CNGB3: variants seen among roughly 807,000 people sequenced by gnomAD.
The protein encoded by CNGB3 is cyclic nucleotide gated channel subunit beta 3.
Under a neutral mutation model 92.8 loss-of-function variants are expected in CNGB3, and 86 were observed. That is an observed-to-expected ratio of 0.93 (90% CI 0.78 to 1.11). The LOEUF (loss-of-function observed/expected upper bound fraction) is 1.11, where lower values mean the gene tolerates loss of function less well. CNGB3 is among the 50% of genes least tolerant of loss of function. CNGB3 has a pLI of 0.00. For missense variants in CNGB3, 1,026 were observed against 956.8 expected (o/e 1.07, Z -0.95); for synonymous variants, 333 against 332.7 (o/e 1.00, Z -0.01).
At chr8:86,716,719 G>A (rs1315859611) in intron 3 of CNGB3, among the ~76,000 whole-genome samples, 1 of 152,056 alleles carries the variant, frequency 6.6e-6, no homozygotes, top group Non-Finnish European at 1.5e-5. Context: ...TGCTAAAAGG[G>A]GCTCTAAATC....
At chr8:86,704,377 T>C (rs546634666) in intron 3 of CNGB3, 18 of 152,314 alleles carry the variant, frequency 1.2e-4, no homozygotes, top group Non-Finnish European at 2.4e-4. Context: ...GTACCACAGT[T>C]CAAATTCTTG....
At chr8:86,708,125 A>C (rs1051346796) in intron 3 of CNGB3, 2 of 152,228 alleles carry the variant, frequency 1.3e-5, no homozygotes, top group Non-Finnish European at 2.9e-5. Context: ...TGAAGATATA[A>C]ATTTGGGAAC....
chr8:86,641,030 G>C (rs967496594), intron 10 of CNGB3, among the ~76,000 whole-genome samples: 8 of 151,972 alleles, frequency 5.3e-5, no homozygotes, highest in African/African-American at 1.9e-4. Flanking sequence ...GATAAATTAG[G>C]TTTCAGTAAA....
chr8:86,670,535 A>G (rs1190694510), intron 4 of CNGB3, among the ~76,000 whole-genome samples: 1 of 152,128 alleles, frequency 6.6e-6, no homozygotes, highest in Non-Finnish European at 1.5e-5. Flanking sequence ...TTTCAGCTGG[A>G]TAAAGCCCCA....
intron 17 of CNGB3, among the ~76,000 whole-genome samples, chr8:86,577,050 C>G (rs1010580237): frequency 6.6e-6 from 1 of 152,092 alleles, no homozygotes; most frequent in African/African-American, 2.4e-5. Context: ...TTCAGAAAAC[C>G]TGAATCCCTG....
intron 7 of CNGB3, 74 bp downstream of exon 7, chr8:86,653,937 GA>G: frequency 9.9e-7 from 1 of 1,011,510 alleles, no homozygotes; most frequent in East Asian, 2.4e-5. Flanking sequence ...TTTGTTTATA[GA>G]AATCTATAGA....
At chr8:86,711,829 C>CTA (rs1824756560) in intron 3 of CNGB3, among the ~76,000 whole-genome samples, 1 of 125,148 alleles carries the variant, frequency 8.0e-6, no homozygotes, top group African/African-American at 3.0e-5. Context: ...CTCTCTCTCT[C>CTA]TCTCTCTATA....
intron 14 of CNGB3, among the ~76,000 whole-genome samples, chr8:86,611,014 A>G (rs1822508013): frequency 6.6e-6 from 1 of 152,234 alleles, no homozygotes; most frequent in South Asian, 2.1e-4. Context: ...TTTATAGCAC[A>G]AGCTTTATCT....
intron 15 of CNGB3, chr8:86,594,685 TAGAC>T (rs1304263528): frequency 5.4e-6 from 1 of 186,342 alleles, no homozygotes; most frequent in Non-Finnish European, 1.1e-5. Flanking sequence ...CCCCTGGCTT[TAGAC>T]AGCTTTTTTG....
At chr8:86,654,158 T>A (rs1823459282) in intron 6 of CNGB3, 96 bp from the exon 7 acceptor site, 1 of 841,234 alleles carries the variant, frequency 1.2e-6, no homozygotes, top group Middle Eastern at 2.4e-4. Flanking sequence ...GGTTGGTTCC[T>A]TCCAATCTCA....
intron 3 of CNGB3, among the ~76,000 whole-genome samples, chr8:86,689,965 T>A (rs201669007): frequency 3.9e-5 from 6 of 152,204 alleles, no homozygotes; most frequent in Admixed American, 3.9e-4. Context: ...TCTATCATTG[T>A]TGGACATTTG....
intron 3 of CNGB3, among the ~76,000 whole-genome samples, chr8:86,720,055 C>G (rs556382748): frequency 2.0e-5 from 3 of 152,240 alleles, no homozygotes; most frequent in African/African-American, 7.2e-5. Flanking sequence ...TAGACAATAA[C>G]ATCAGAAAAA....
chr8:86,592,678 C>T (rs963274850), intron 15 of CNGB3, among the ~76,000 whole-genome samples: 5 of 152,168 alleles, frequency 3.3e-5, no homozygotes, highest in African/African-American at 9.7e-5. Flanking sequence ...GGTCTAAATA[C>T]ATTTTCTCAT....
At chr8:86,622,678 G>A (rs1186753251) in intron 13 of CNGB3, among the ~76,000 whole-genome samples, 2 of 152,070 alleles carry the variant, frequency 1.3e-5, no homozygotes, top group Admixed American at 6.6e-5. Context: ...ACCTCCCAAA[G>A]TCCTGGGATT....
At chr8:86,675,315 T>G (rs567394936) in intron 3 of CNGB3, among the ~76,000 whole-genome samples, 1 of 152,128 alleles carries the variant, frequency 6.6e-6, no homozygotes, top group South Asian at 2.1e-4. Flanking sequence ...TCAAGCAATC[T>G]TCCTGCCTTG....
chr8:86,592,830 T>C (rs1025817967), intron 15 of CNGB3, among the ~76,000 whole-genome samples: 3 of 152,242 alleles, frequency 2.0e-5, no homozygotes, highest in African/African-American at 7.2e-5. Context: ...TTCGGAAACA[T>C]GAGGTTAGAT....
At chr8:86,665,933 G>A (rs1013134503) in intron 6 of CNGB3, among the ~76,000 whole-genome samples, 2 of 152,162 alleles carry the variant, frequency 1.3e-5, no homozygotes, top group African/African-American at 4.8e-5. Context: ...GCTTTGCTTT[G>A]TAAGTTAGGT....
At chr8:86,660,398 G>C (rs1260368372) in intron 6 of CNGB3, 1 of 454,150 alleles carries the variant, frequency 2.2e-6, no homozygotes, top group African/African-American at 2.0e-5. Context: ...ATCCAGAGGA[G>C]AGTTAACCAG....
chr8:86,629,850 A>G (rs886375479), intron 11 of CNGB3, among the ~76,000 whole-genome samples: 7 of 152,200 alleles, frequency 4.6e-5, no homozygotes, highest in African/African-American at 1.7e-4. Context: ...CAAAAAAGAT[A>G]TATAGCTCGA....
Sources: allele counts gnomAD v4.1 joint callset (sites outside exome capture counted in the v4.1 genomes callset), GRCh38; gene constraint gnomAD v4.1.1; transcripts MANE v1.5; gene names NCBI Gene and HGNC (gene_info 2026-07-23, HGNC 2026-07-21).